The following PGM2 variants were observed in gnomAD, a reference collection of about 807,000 sequenced individuals.
PGM2 encodes the protein phosphoglucomutase 2.
A neutral mutation model predicts 74.6 loss-of-function variants in PGM2; 57 were observed. The observed-to-expected ratio is 0.76, with a 90% CI of 0.62 to 0.95. The LOEUF (loss-of-function observed/expected upper bound fraction) is 0.95. Ranked by LOEUF, PGM2 falls within the 40% of genes least tolerant of loss-of-function variation. The pLI, the probability that PGM2 is intolerant of heterozygous loss-of-function variation, is 0.00. For synonymous variants in PGM2, 273 were observed against 260.7 expected (o/e 1.05, Z -0.46); for missense variants, 706 against 741.9 (o/e 0.95, Z 0.56).
chr4:37,834,579 T>C lies in PGM2; in HGVS notation c.250-39T>C, dbSNP rs556369718. ...TTTCTATATGGTATATATAAAAATATGTTAAAACATACTTTTTAAATCTAT... is the reference window on the plus strand; with the variant it reads ...TTTCTATATGGTATATATAAAAATACGTTAAAACATACTTTTTAAATCTAT... On this transcript the variant is annotated intron_variant, in intron 2 of 13. Transcript: ENST00000381967. The C allele has an allele frequency of 3.7e-5, 38 of 1,032,984 alleles. No homozygotes were observed. The East Asian group carries it at 8.5e-4, about 23-fold the overall frequency. The allele number at this position is 1,032,984 out of a possible 1,614,324, so 64.0% of individuals were successfully genotyped here.
Position 37,861,679 on chromosome 4 carries a change from A to AT in PGM2, c.*72dup, listed in dbSNP as rs1283129383. Reference sequence around the variant, plus strand: ...AGCTGGGTTTAACTTGTTAAGCAATATTTTTAAGGGCCAAATGATTCAAAA... The same window carrying AT: ...AGCTGGGTTTAACTTGTTAAGCAATATTTTTTAAGGGCCAAATGATTCAAAA... On this transcript the variant is annotated 3_prime_UTR_variant, in exon 14 of 14. Coordinates refer to ENST00000381967, the MANE Select transcript of PGM2 (RefSeq NM_018290.4). 4.3e-5 allele frequency: 41 copies of AT among 947,402 alleles called. No homozygotes were observed. The African/African-American group carries it at 5.8e-4, about 13-fold the overall frequency. The allele number at this position is 947,402 out of a possible 1,614,324, so 58.7% of individuals were successfully genotyped here.
intron 6 of PGM2, among the ~76,000 whole-genome samples, chr4:37,841,116 TTGTATA>T (rs1725711382): frequency 1.0e-5 from 1 of 95,826 alleles, no homozygotes; most frequent in Non-Finnish European, 1.9e-5. Flanking sequence ...GTGTGTGTGT[TTGTATA>T]TGTATAATAT....
intron 8 of PGM2, among the ~76,000 whole-genome samples, chr4:37,846,629 G>C (rs561371180): frequency 3.5e-4 from 53 of 152,236 alleles, no homozygotes; most frequent in Non-Finnish European, 5.1e-4. Context: ...AAAACCAAAG[G>C]CTTTGCCAAA....
At chr4:37,841,213 CAATT>C (rs1340813071) in intron 6 of PGM2, among the ~76,000 whole-genome samples, 2 of 115,048 alleles carry the variant, frequency 1.7e-5, no homozygotes, top group Non-Finnish European at 3.6e-5. Flanking sequence ...CTTTTCCCCC[CAATT>C]AATTTGTCAT....
At chr4:37,836,043 A>G (rs535115306) in intron 3 of PGM2, among the ~76,000 whole-genome samples, 2 of 152,262 alleles carry the variant, frequency 1.3e-5, no homozygotes, top group South Asian at 2.1e-4. Flanking sequence ...TGCTCAGAGC[A>G]TGCAAAGTGC....
chr4:37,850,077 C>G lies in PGM2; in HGVS notation c.1413-107C>G, dbSNP rs1009832266. On this transcript the variant is annotated intron_variant, in intron 11 of 13. Coordinates refer to ENST00000381967, the MANE Select transcript of PGM2 (RefSeq NM_018290.4). Reference sequence around the variant, plus strand: ...TGCTGGGATTACAGGCGTGACCCACCACACCCAGCCATATTTATTTTAGAA... The same window carrying G: ...TGCTGGGATTACAGGCGTGACCCACGACACCCAGCCATATTTATTTTAGAA... 4.6e-6 allele frequency: 3 copies of G among 649,830 alleles called. No homozygotes were observed. In the African/African-American group the frequency reaches 5.8e-5, roughly 13 times the overall value. 40.3% of individuals were successfully genotyped at this position (649,830 alleles called of 1,614,324 possible).
At chr4:37,834,471 G>A (rs1367340615) in intron 2 of PGM2, 147 bp from the exon 3 acceptor site, 1 of 495,570 alleles carries the variant, frequency 2.0e-6, no homozygotes, top group Non-Finnish European at 3.6e-6. Flanking sequence ...TTATTGTTCA[G>A]TTTGCTTCCT....
intron 2 of PGM2, among the ~76,000 whole-genome samples, chr4:37,830,372 A>G (rs1725409459): frequency 6.6e-6 from 1 of 152,174 alleles, no homozygotes; most frequent in South Asian, 2.1e-4. Flanking sequence ...AGTACATACC[A>G]TGTGCCAGCA....
chr4:37,836,717 C>T (rs1577674140), intron 3 of PGM2, among the ~76,000 whole-genome samples: 1 of 152,086 alleles, frequency 6.6e-6, no homozygotes, highest in African/African-American at 2.4e-5. Flanking sequence ...TTTGTGGTAA[C>T]GTATTTTACA....
In PGM2 at chr4:37,830,114, A is replaced by G. The variant is rs1725401063; in HGVS notation, c.232A>G (p.Ile78Val). Residue 78 changes from isoleucine (I) to valine (V), a missense_variant, in exon 2 of 14, where the codon ATC becomes GTC. Around this residue, in one of 3 missense-constraint regions of PGM2, gnomAD observed 332 missense variants for 334.9 expected, o/e 0.99. Transcript: ENST00000381967. The part of the protein sequence containing the change: ...PGISRMNDLT[I>V]IQTTQGFCRY... Reference sequence around the variant, plus strand: ...AATTTCTCGTATGAATGACTTGACCATCATCCAGACTACACAGGTACCATG... The same window carrying G: ...AATTTCTCGTATGAATGACTTGACCGTCATCCAGACTACACAGGTACCATG... The G allele has an allele frequency of 6.3e-7, 1 of 1,589,314 alleles. No homozygotes were observed. Among genetic ancestry groups the G allele is most frequent in the East Asian group, 2.3e-5 (1 of 43,912 alleles).
rs974926153 is a variant in PGM2 at position 37,862,472 on chromosome 4, T to G, written c.*860T>G. 1 of 152,142 alleles carries G rather than the reference T, an allele frequency of 6.6e-6. No homozygotes were observed. Among genetic ancestry groups the G allele is most frequent in the Non-Finnish European group, 1.5e-5 (1 of 68,016 alleles). 9.4% of individuals were successfully genotyped at this position (152,142 alleles called of 1,614,324 possible). On this transcript the variant is annotated 3_prime_UTR_variant, in exon 14 of 14. Transcript: ENST00000381967. ...TCTCTTGTTCTTGTGTGGTCTGAAA[T>G]CTAAAACTAGACTTTATTATGATAG...
chr4:37,837,482 C>G, intron 3 of PGM2, 47 bp from the exon 4 acceptor site: 2 of 1,082,726 alleles, frequency 1.8e-6, no homozygotes. Context: ...ACTCACAGTC[C>G]TGATCACTCA....
chr4:37,838,961 C>G (rs1326089870), intron 4 of PGM2, among the ~76,000 whole-genome samples: 2 of 152,092 alleles, frequency 1.3e-5, no homozygotes, highest in African/African-American at 4.8e-5. Flanking sequence ...TGTGTGTAAT[C>G]AATGTCATTT....
At chr4:37,843,607 A>AT (rs1725787688) in intron 6 of PGM2, among the ~76,000 whole-genome samples, 1 of 147,122 alleles carries the variant, frequency 6.8e-6, no homozygotes, top group Non-Finnish European at 1.5e-5. Flanking sequence ...ATTTATTATT[A>AT]TTATTTTTTT....
intron 6 of PGM2, among the ~76,000 whole-genome samples, chr4:37,842,487 A>G (rs992620823): frequency 2.0e-5 from 3 of 151,662 alleles, no homozygotes; most frequent in African/African-American, 7.3e-5. Flanking sequence ...TGAAGTAGGA[A>G]AGCAGATTAG....
chr4:37,851,453 A>G (rs542328896), intron 12 of PGM2, among the ~76,000 whole-genome samples: 63 of 151,202 alleles, frequency 4.2e-4, no homozygotes, highest in African/African-American at 1.3e-3. Context: ...ACAAAAGAAG[A>G]CACAAAGGTA....
chr4:37,849,346 A>G (rs1424287871), intron 11 of PGM2, among the ~76,000 whole-genome samples: 1 of 151,668 alleles, frequency 6.6e-6, no homozygotes, highest in Admixed American at 6.6e-5. Context: ...TCTCTGTGCA[A>G]ATGCAGGCGG....
At chr4:37,839,660 A>G in intron 4 of PGM2, 188 bp from the exon 5 acceptor site, 1 of 690,576 alleles carries the variant, frequency 1.4e-6, no homozygotes, top group Non-Finnish European at 2.6e-6. Flanking sequence ...TCCTGGAATT[A>G]TGAGCAGCCA....
rs1414612731 is a variant in PGM2, at chr4:37,847,151, G to A, written c.1188+40G>A. ...GGACTCACTCATTTTCCTTTCATCT[G>A]CTCTGTAGAAGATCTAAGGCATGTC... On this transcript the variant is annotated intron_variant, in intron 9 of 13. Transcript: ENST00000381967. 2 of 1,595,628 alleles carry A rather than the reference G, an allele frequency of 1.3e-6. 1 individual carries two copies. Among genetic ancestry groups the A allele is most frequent in the South Asian group, 2.2e-5 (2 of 90,616 alleles).
Sources: gnomAD v4.1 joint callset for allele counts (sites outside exome capture counted in the v4.1 genomes callset) on GRCh38, gnomAD v4.1.1 for gene constraint, gnomAD v4.1.1 regional missense constraint, MANE v1.5 for transcripts, NCBI Gene and HGNC (gene_info 2026-07-23, HGNC 2026-07-21) for gene names.